The following ATP5PO variants were observed in gnomAD, a reference collection of about 807,000 sequenced individuals.
The protein encoded by ATP5PO is ATP synthase peripheral stalk subunit OSCP, also known as ATP synthase peripheral stalk subunit OSCP, mitochondrial.
ATP5PO carries 14 observed loss-of-function variants against 26.2 expected under a neutral mutation model. The observed-to-expected ratio is 0.53, with a 90% confidence interval of 0.35 to 0.83. The LOEUF (loss-of-function observed/expected upper bound fraction) is 0.83. Among genes scored for constraint, ATP5PO ranks in the 40% least tolerant of loss-of-function variants. The pLI is 0.01. For missense variants in ATP5PO, 241 were observed against 258.5 expected, an observed-to-expected ratio of 0.93 and a Z score of 0.46; for synonymous variants, 106 against 95.1, an observed-to-expected ratio of 1.12 and a Z score of -0.67.
chr21:33,909,035 C>G, intron 4 of ATP5PO, 47 bp downstream of exon 4: 2 of 1,541,110 alleles, frequency 1.3e-6, no homozygotes, highest in Non-Finnish European at 1.8e-6. Flanking sequence ...ACCACATTTC[C>G]AGTCATAGTT....
At chr21:33,913,344 G>T (rs532802427) in intron 2 of ATP5PO, among the ~76,000 whole-genome samples, 2 of 152,176 alleles carry the variant, frequency 1.3e-5, no homozygotes, top group South Asian at 4.1e-4. Flanking sequence ...TTTTTCCAAG[G>T]GGCGGACTGG....
chr21:33,907,549 G>T, intron 4 of ATP5PO, 96 bp from the exon 5 acceptor site: 2 of 1,086,168 alleles, frequency 1.8e-6, no homozygotes, highest in East Asian at 2.5e-5. Flanking sequence ...TTAGATTTGT[G>T]GCCTTAAAAC....
chr21:33,905,207 C>T (rs2148605227), intron 5 of ATP5PO, among the ~76,000 whole-genome samples: 1 of 152,218 alleles, frequency 6.6e-6, no homozygotes, highest in African/African-American at 2.4e-5. Flanking sequence ...GTGTTCAAAA[C>T]ATGATTTACT....
chr21:33,909,307 G>A lies in ATP5PO; in HGVS notation c.199-96C>T, dbSNP rs866738881. ...TCTTTCTTTCTTTTTTGGAGACAACGTCTTGCTCCGTCGCTCAGGCTGGAG... is the reference window on the plus strand; with the variant it reads ...TCTTTCTTTCTTTTTTGGAGACAACATCTTGCTCCGTCGCTCAGGCTGGAG... On this transcript the variant is annotated intron_variant, in intron 3 of 6. Coordinates refer to ENST00000290299, the MANE Select transcript of ATP5PO (RefSeq NM_001697.3). The A allele has an allele frequency of 1.7e-5, 23 of 1,361,548 alleles. No homozygotes were observed. In the Middle Eastern group the frequency reaches 1.1e-3, roughly 63 times the overall value. The allele number at this position is 1,361,548 out of a possible 1,614,324, so 84.3% of individuals were successfully genotyped here.
intron 5 of ATP5PO, among the ~76,000 whole-genome samples, chr21:33,906,156 G>A (rs141034650): frequency 3.3e-5 from 5 of 152,224 alleles, no homozygotes; most frequent in Admixed American, 6.5e-5. Context: ...AAGTAAGTAT[G>A]ATGTGCTAGG....
chr21:33,914,097 T>C (rs991751246), intron 2 of ATP5PO, among the ~76,000 whole-genome samples: 1 of 152,034 alleles, frequency 6.6e-6, no homozygotes, highest in South Asian at 2.1e-4. Context: ...GATTTTAATA[T>C]CGTCTCCTGT....
chr21:33,904,066 A>T, intron 5 of ATP5PO, 45 bp from the exon 6 acceptor site: 3 of 1,529,682 alleles, frequency 2.0e-6, no homozygotes, highest in Non-Finnish European at 2.7e-6. Flanking sequence ...AGCAAAACAG[A>T]AACTTCCAGA....
At chr21:33,915,322 G>A (rs1349923145) in intron 1 of ATP5PO, 1 of 201,246 alleles carries the variant, frequency 5.0e-6, no homozygotes, top group Non-Finnish European at 1.0e-5. Context: ...TTATAAAACT[G>A]TGAAATGTGT....
intron 5 of ATP5PO, among the ~76,000 whole-genome samples, chr21:33,904,552 T>C (rs1018861836): frequency 6.6e-6 from 1 of 152,134 alleles, no homozygotes; most frequent in Non-Finnish European, 1.5e-5. Context: ...GCCACTCCAC[T>C]CTCTGAACCC....
At chr21:33,905,894 AGAGT>A (rs1987163140) in intron 5 of ATP5PO, among the ~76,000 whole-genome samples, 1 of 143,358 alleles carries the variant, frequency 7.0e-6, no homozygotes, top group African/African-American at 2.6e-5. Context: ...CCTGGGTGAC[AGAGT>A]GAGACTCAGT....
intron 5 of ATP5PO, chr21:33,906,912 G>A (rs1354617298): frequency 2.6e-6 from 1 of 385,822 alleles, no homozygotes; most frequent in East Asian, 7.3e-5. Context: ...GATCACCTGA[G>A]CCCAGGAGGT....
At position 33,909,062 on chromosome 21, in the gene ATP5PO, G is replaced by A. The variant is rs543076129; in HGVS notation, c.328+20C>T. 10 of 1,578,154 alleles carry A rather than the reference G, an allele frequency of 6.3e-6. No individual in the cohort carries two copies. The South Asian group carries it at 1.0e-4, about 16-fold the overall frequency. On this transcript the variant is annotated intron_variant, in intron 4 of 6. Transcript: ENST00000290299. The stretch of plus-strand genomic sequence containing the variant: ...GTCATAGTTTCAAGACACCTCAAAT[G>A]AAAAAGTTCTAATACTCACTGATCA...
chr21:33,905,021 G>A (rs1987150758), intron 5 of ATP5PO, among the ~76,000 whole-genome samples: 1 of 152,134 alleles, frequency 6.6e-6, no homozygotes, highest in Non-Finnish European at 1.5e-5. Flanking sequence ...GGTTACAAGT[G>A]TGAGCCACCA....
At chr21:33,912,146 T>G in intron 3 of ATP5PO, 143 bp downstream of exon 3, 1 of 525,970 alleles carries the variant, frequency 1.9e-6, no homozygotes, top group East Asian at 3.0e-5. Flanking sequence ...AAACCCAATA[T>G]TATTACTAAA....
chr21:33,908,525 T>C (rs914237977), intron 4 of ATP5PO, among the ~76,000 whole-genome samples: 1 of 152,046 alleles, frequency 6.6e-6, no homozygotes, highest in Non-Finnish European at 1.5e-5. Flanking sequence ...CTGGGCAACA[T>C]GGAGAAACCC....
chr21:33,903,688 G>A (rs1569365338), intron 6 of ATP5PO, 49 bp from the exon 7 acceptor site: 25 of 1,580,236 alleles, frequency 1.6e-5, no homozygotes, highest in Non-Finnish European at 2.1e-5. Context: ...AATCAAATGG[G>A]ACACACAAAA....
chr21:33,914,133 A>G (rs1987283966), intron 2 of ATP5PO, among the ~76,000 whole-genome samples: 1 of 149,954 alleles, frequency 6.7e-6, no homozygotes, highest in Non-Finnish European at 1.5e-5. Context: ...TAACTTGGGC[A>G]TGTCACTTTG....
intron 5 of ATP5PO, among the ~76,000 whole-genome samples, chr21:33,905,032 C>T (rs1160130930): frequency 6.6e-6 from 1 of 152,072 alleles, no homozygotes; most frequent in East Asian, 1.9e-4. Context: ...TGAGCCACCA[C>T]ACCCTGCTAA....
intron 4 of ATP5PO, among the ~76,000 whole-genome samples, chr21:33,908,041 G>A (rs1331566773): frequency 2.6e-5 from 4 of 152,002 alleles, no homozygotes; most frequent in Non-Finnish European, 5.9e-5. Flanking sequence ...AGTGGCGCAT[G>A]CGCGCAGTTC....
Sources: gnomAD v4.1 joint callset for allele counts (sites outside exome capture counted in the v4.1 genomes callset) on GRCh38, gnomAD v4.1.1 for gene constraint, MANE v1.5 for transcripts, NCBI Gene and HGNC (gene_info 2026-07-23, HGNC 2026-07-21) for gene names.